Variants in ATP2B2 observed in about 807,000 individuals in gnomAD.
ATP2B2 encodes ATPase plasma membrane Ca2+ transporting 2, also known as plasma membrane calcium-transporting ATPase 2.
In ATP2B2, 15 loss-of-function variants were observed where a neutral mutation model predicts 120.0. The ratio of observed to expected loss-of-function variants is 0.12; its 90% confidence interval spans 0.08 to 0.19. The LOEUF (loss-of-function observed/expected upper bound fraction) is 0.19, where lower values mean the gene tolerates loss of function less well. Ranked by LOEUF, ATP2B2 falls within the 10% of genes least tolerant of loss-of-function variation. The pLI, the probability that ATP2B2 is intolerant of heterozygous loss-of-function variation, is 1.00. For synonymous variants in ATP2B2, 694 were observed against 700.3 expected, an observed-to-expected ratio of 0.99 and a Z score of 0.14; for missense variants, 1,045 against 1,719.8, an observed-to-expected ratio of 0.61 and a Z score of 6.94.
rs1400239252 is a variant in ATP2B2 at position 10,402,868 on chromosome 3, C to CTAATTGATGAGAGAAAT, written c.398-521_398-520insATTTCTCTCATCAATTA. Among the ~76,000 whole-genome samples the CTAATTGATGAGAGAAAT allele has an allele frequency of 6.6e-6, 1 of 152,064 alleles. No individual in the cohort carries two copies. The highest frequency in any genetic ancestry group is 2.4e-5 in the African/African-American group (1 of 41,346). On this transcript the variant is annotated intron_variant, in intron 3 of 22. Coordinates refer to ENST00000360273, the MANE Select transcript of ATP2B2 (RefSeq NM_001001331.4). This position sits in a 1 kb window ranked among gnomAD's most constrained non-coding sequence, Gnocchi z 4.9. The stretch of plus-strand genomic sequence containing the variant: ...CAGAGGAGAGAAAAGAGAATTTTCT[C>CTAATTGATGAGAGAAAT]TAATTGATGAGAAAAGACAAGGAAT...
chr3:10,408,789 C>A (rs958929016), intron 3 of ATP2B2, among the ~76,000 whole-genome samples: 4 of 152,172 alleles, frequency 2.6e-5, no homozygotes, highest in African/African-American at 9.7e-5. Context: ...CCCTCCACCC[C>A]CTCCACCACC....
chr3:10,381,749 G>A (rs2061535594), intron 8 of ATP2B2, among the ~76,000 whole-genome samples: 1 of 152,206 alleles, frequency 6.6e-6, no homozygotes, highest in South Asian at 2.1e-4. Flanking sequence ...GAGCCCTCAG[G>A]TGGGGTCTCA....
chr3:10,355,624 G>A (rs2060693377), intron 14 of ATP2B2, among the ~76,000 whole-genome samples: 2 of 152,244 alleles, frequency 1.3e-5, no homozygotes, highest in Admixed American at 1.3e-4. Flanking sequence ...TTGGCTCCAG[G>A]CCCCCCTTTC....
intron 2 of ATP2B2, among the ~76,000 whole-genome samples, chr3:10,539,847 C>T (rs879799282): frequency 2.0e-5 from 3 of 152,136 alleles, no homozygotes; most frequent in African/African-American, 4.8e-5. Context: ...GCAATAGCAA[C>T]GAAAGCCAAA....
chr3:10,359,162 AAC>A (rs1361871378), intron 13 of ATP2B2, among the ~76,000 whole-genome samples: 1 of 152,226 alleles, frequency 6.6e-6, no homozygotes, highest in Non-Finnish European at 1.5e-5. Flanking sequence ...CATCTGAAAT[AAC>A]ACTCCCACAG....
chr3:10,707,313 A>G (rs2071910508), intron 1 of ATP2B2, among the ~76,000 whole-genome samples: 1 of 152,292 alleles, frequency 6.6e-6, no homozygotes, highest in Admixed American at 6.5e-5. Context: ...GAGGGGAGCT[A>G]GGAAAAGGTG....
intron 1 of ATP2B2, among the ~76,000 whole-genome samples, chr3:10,677,317 C>T (rs1321065559): frequency 1.3e-5 from 2 of 152,072 alleles, no homozygotes; most frequent in Admixed American, 6.5e-5. Context: ...GAAAAGGCTG[C>T]ATACTATAAG....
At chr3:10,567,109 C>CCTCCTTT (rs2068026694) in intron 2 of ATP2B2, among the ~76,000 whole-genome samples, 2 of 152,200 alleles carry the variant, frequency 1.3e-5, no homozygotes, top group Admixed American at 1.3e-4. Flanking sequence ...TAGACCAGCC[C>CCTCCTTT]CTCCTTCTAG....
chr3:10,524,923 C>A (rs993434244), intron 3 of ATP2B2, among the ~76,000 whole-genome samples: 1 of 152,158 alleles, frequency 6.6e-6, no homozygotes, highest in Admixed American at 6.5e-5. Context: ...CCTATCCATC[C>A]AACACTCAAC....
intron 2 of ATP2B2, among the ~76,000 whole-genome samples, chr3:10,600,332 G>A (rs2068874286): frequency 6.6e-6 from 1 of 152,208 alleles, no homozygotes; most frequent in African/African-American, 2.4e-5. Context: ...CTGACTGGCA[G>A]CCAGTCACCT....
At chr3:10,394,185 G>A (rs1386872614) in intron 5 of ATP2B2, among the ~76,000 whole-genome samples, 1 of 152,132 alleles carries the variant, frequency 6.6e-6, no homozygotes, top group African/African-American at 2.4e-5. Flanking sequence ...GGGAGAGGCT[G>A]TGAAGAAGGG....
In ATP2B2 at chr3:10,445,492, G is replaced by T. The variant is rs545805949; in HGVS notation, c.199+3853C>A. On this transcript the variant is annotated intron_variant, in intron 2 of 22. Transcript: ENST00000360273. ...TGGAGCTTAGATGGGGGTAGAGGCT[G>T]CCCTTGGCCTCACAGCCTCACAGGG... Among the ~76,000 whole-genome samples the T allele has an allele frequency of 2.6e-5, 4 of 152,338 alleles. No individual in the cohort carries two copies. The South Asian group carries it at 8.3e-4, about 32-fold the overall frequency.
chr3:10,558,321 G>A (rs2067824830), intron 2 of ATP2B2, among the ~76,000 whole-genome samples: 1 of 152,194 alleles, frequency 6.6e-6, no homozygotes, highest in Admixed American at 6.5e-5. Flanking sequence ...GTTCATGGAA[G>A]TGCACGTGGT....
At chr3:10,330,866 C>T (rs2059960549) in intron 22 of ATP2B2, among the ~76,000 whole-genome samples, 1 of 152,240 alleles carries the variant, frequency 6.6e-6, no homozygotes, top group South Asian at 2.1e-4. Flanking sequence ...TAAAGCATGT[C>T]ATACGCTCCT....
intron 1 of ATP2B2, among the ~76,000 whole-genome samples, chr3:10,621,844 C>G (rs2069558998): frequency 6.6e-6 from 1 of 152,194 alleles, no homozygotes; most frequent in Non-Finnish European, 1.5e-5. Context: ...CAGAAGTAAC[C>G]ACGTCAACAT....
At position 10,339,589 on chromosome 3, in the gene ATP2B2, G is replaced by C. The variant is rs551611084; in HGVS notation, c.3237+653C>G. ...AAACGAATTGGTGGGAGAATATTCT[G>C]GGACAAAGCTGGAAGGGCCCCTAAA... On this transcript the variant is annotated intron_variant, in intron 21 of 22. Coordinates refer to ENST00000360273, the MANE Select transcript of ATP2B2 (RefSeq NM_001001331.4). Among the ~76,000 whole-genome samples, 319 of 152,298 alleles carry C rather than the reference G, an allele frequency of 2.1e-3. 2 individuals are homozygous for C. The highest frequency in any genetic ancestry group is 6.9e-3 in the African/African-American group (288 of 41,568).
rs548444814 is a variant in ATP2B2 at position 10,664,078 on chromosome 3, T to A, written c.-460+43837A>T. On this transcript the variant is annotated intron_variant, in intron 1 of 21. Coordinates refer to the ATP2B2 transcript ENST00000646379. ...AATCTCAGTAGTGCCATTACCCCCA[T>A]CTGACAGGTGCGGAAATAGAGGCTC... Among the ~76,000 whole-genome samples, 3 of 152,086 alleles carry A rather than the reference T, an allele frequency of 2.0e-5. 1 individual carries two copies. The East Asian group carries it at 5.8e-4, about 30-fold the overall frequency.
At chr3:10,677,238 A>G (rs1185972613) in intron 1 of ATP2B2, among the ~76,000 whole-genome samples, 1 of 152,248 alleles carries the variant, frequency 6.6e-6, no homozygotes, top group African/African-American at 2.4e-5. Context: ...AAAAAGAAAC[A>G]TGCTATGAAG....
At chr3:10,397,138 T>A (rs2062065019) in intron 5 of ATP2B2, among the ~76,000 whole-genome samples, 1 of 152,340 alleles carries the variant, frequency 6.6e-6, no homozygotes, top group Admixed American at 6.5e-5. Flanking sequence ...AGCCTGACAC[T>A]CTGCTCAGCT....
Sources: gnomAD v4.1 joint callset for allele counts (sites outside exome capture counted in the v4.1 genomes callset) on GRCh38, gnomAD v4.1.1 for gene constraint, Gnocchi (gnomAD v3.1) non-coding constraint, MANE v1.5 for transcripts, NCBI Gene and HGNC (gene_info 2026-07-23, HGNC 2026-07-21) for gene names.